Variants in MUSK observed in about 807,000 individuals in gnomAD.
The protein encoded by MUSK is muscle associated receptor tyrosine kinase.
MUSK carries 55 observed loss-of-function variants against 88.7 expected under a neutral mutation model. That is an observed-to-expected ratio of 0.62 (90% confidence interval 0.50 to 0.78). The LOEUF (loss-of-function observed/expected upper bound fraction) is 0.78. MUSK is among the 30% of genes least tolerant of loss of function. The probability of loss-of-function intolerance (pLI) is 0.00; values close to 1 mark genes in which losing one functional copy is unlikely to be tolerated. For missense variants in MUSK, 1,015 were observed against 1,074.3 expected, an observed-to-expected ratio of 0.94 and a Z score of 0.77; for synonymous variants, 387 against 391.9, an observed-to-expected ratio of 0.99 and a Z score of 0.15.
chr9:110,707,996 C>A (rs187752900), intron 5 of MUSK, among the ~76,000 whole-genome samples: 67 of 152,162 alleles, frequency 4.4e-4, no homozygotes, highest in Non-Finnish European at 7.9e-4. Flanking sequence ...TTAAGGCCAA[C>A]AAATCTATTC....
intron 7 of MUSK, among the ~76,000 whole-genome samples, chr9:110,757,037 A>C (rs2077334513): frequency 6.6e-6 from 1 of 152,148 alleles, no homozygotes; most frequent in African/African-American, 2.4e-5. Context: ...TGATGGGATT[A>C]ATTCAGTACA....
At chr9:110,748,987 T>C (rs964844025) in intron 7 of MUSK, among the ~76,000 whole-genome samples, 3 of 152,104 alleles carry the variant, frequency 2.0e-5, no homozygotes, top group Non-Finnish European at 4.4e-5. Flanking sequence ...TCCCAGAAAA[T>C]GAAAAGTCTT....
chr9:110,783,535 A>T (rs1428976280), intron 11 of MUSK, among the ~76,000 whole-genome samples: 1 of 151,920 alleles, frequency 6.6e-6, no homozygotes, highest in African/African-American at 2.4e-5. Flanking sequence ...ATCTGTTATA[A>T]CTTTTTTATC....
intron 14 of MUSK, among the ~76,000 whole-genome samples, chr9:110,797,699 AC>A (rs1030255506): frequency 8.5e-5 from 13 of 152,246 alleles, no homozygotes; most frequent in African/African-American, 3.1e-4. Context: ...CAACTCCTAA[AC>A]ATTCATTTAT....
At chr9:110,748,019 T>C in intron 7 of MUSK, 1 of 690,986 alleles carries the variant, frequency 1.4e-6, no homozygotes, top group Non-Finnish European at 2.6e-6. Flanking sequence ...CCTACCCAAG[T>C]GGTAGGTAAC....
At chr9:110,781,378 G>A (rs933072226) in intron 11 of MUSK, among the ~76,000 whole-genome samples, 5 of 152,122 alleles carry the variant, frequency 3.3e-5, no homozygotes, top group Non-Finnish European at 5.9e-5. Flanking sequence ...CCGGGTTCAC[G>A]CCATCCTCTT....
chr9:110,788,434 C>T (rs1378180796), intron 14 of MUSK, among the ~76,000 whole-genome samples: 1 of 151,810 alleles, frequency 6.6e-6, no homozygotes, highest in African/African-American at 2.4e-5. Context: ...GAGTTTGACA[C>T]CAGCCTGGCG....
At chr9:110,682,906 C>A in intron 2 of MUSK, 106 bp downstream of exon 2, 1 of 765,550 alleles carries the variant, frequency 1.3e-6, no homozygotes, top group Non-Finnish European at 2.0e-6. Context: ...TACAGGCATG[C>A]AATGTAAAAT....
chr9:110,688,658 CCATGTGTT>C (rs577871341), intron 3 of MUSK, among the ~76,000 whole-genome samples: 1 of 151,900 alleles, frequency 6.6e-6, no homozygotes, highest in Non-Finnish European at 1.5e-5. Context: ...CTGTTTCCCC[CCATGTGTT>C]CATGTGTTCC....
chr9:110,780,676 C>G (rs1022159862), intron 11 of MUSK, among the ~76,000 whole-genome samples: 2 of 152,184 alleles, frequency 1.3e-5, no homozygotes, highest in South Asian at 2.1e-4. Flanking sequence ...TGTGATTTCA[C>G]TCTTTTCTAG....
At chr9:110,701,708 T>G (rs375543708) in intron 5 of MUSK, among the ~76,000 whole-genome samples, 1 of 114 alleles carries the variant, frequency 8.8e-3, no homozygotes, top group Non-Finnish European at 0.013. Flanking sequence ...TATTTTATTT[T>G]ATTTTATTTT....
chr9:110,799,400 T>A (rs2078058503), intron 14 of MUSK, among the ~76,000 whole-genome samples: 1 of 152,286 alleles, frequency 6.6e-6, no homozygotes, highest in South Asian at 2.1e-4. Flanking sequence ...ATCTAAGACT[T>A]TATTTATATT....
intron 14 of MUSK, among the ~76,000 whole-genome samples, chr9:110,790,955 A>G (rs1442781971): frequency 1.3e-5 from 2 of 152,180 alleles, no homozygotes; most frequent in Non-Finnish European, 2.9e-5. Flanking sequence ...TTGAAGTCAA[A>G]TTGAGGCAAA....
At chr9:110,720,608 C>T (rs1263801862) in intron 5 of MUSK, among the ~76,000 whole-genome samples, 2 of 151,820 alleles carry the variant, frequency 1.3e-5, no homozygotes, top group African/African-American at 4.8e-5. Context: ...TTTAAAATTG[C>T]CAAGAAAAAG....
intron 6 of MUSK, among the ~76,000 whole-genome samples, chr9:110,742,609 G>C (rs1383581510): frequency 6.6e-6 from 1 of 152,190 alleles, no homozygotes; most frequent in South Asian, 2.1e-4. Flanking sequence ...GAAGATAAAT[G>C]ATTATTCTCT....
At chr9:110,733,330 CA>C (rs2076987569) in intron 5 of MUSK, among the ~76,000 whole-genome samples, 1 of 152,060 alleles carries the variant, frequency 6.6e-6, no homozygotes, top group Non-Finnish European at 1.5e-5. Flanking sequence ...ATTTGGTTTT[CA>C]CTGCTATAAG....
chr9:110,782,693 T>G (rs377165704), intron 11 of MUSK, among the ~76,000 whole-genome samples: 2 of 152,264 alleles, frequency 1.3e-5, no homozygotes, highest in African/African-American at 4.8e-5. Flanking sequence ...CTCGTCAATT[T>G]AAGCCACCCC....
At position 110,722,535 on chromosome 9, in the gene MUSK, GA is replaced by G. The variant is rs929399024; in HGVS notation, c.629-11705del. 2.6e-3 allele frequency among the ~76,000 whole-genome samples: 378 copies of G among 142,694 alleles called. 2 individuals are homozygous for G. The highest frequency in any genetic ancestry group is 7.7e-3 in the African/African-American group (302 of 39,226). 93.6% of individuals were successfully genotyped at this position (142,694 alleles called of 152,430 possible). A position where few individuals can be genotyped will look rare whatever the true frequency, so the allele number is the denominator to read the frequency against. On this transcript the variant is annotated intron_variant, in intron 5 of 14. Coordinates refer to ENST00000374448, the MANE Select transcript of MUSK (RefSeq NM_005592.4). ...ACAGAGCGAGACACCATCATGGGAA[GA>G]AAAAAAAAAACATGGGACTTAATTA...
chr9:110,761,856 G>A, intron 7 of MUSK: 1 of 971,068 alleles, frequency 1.0e-6, no homozygotes. Context: ...TTACAGGCGT[G>A]AGCCACCGCG....
Sources: allele counts gnomAD v4.1 joint callset (sites outside exome capture counted in the v4.1 genomes callset), GRCh38; gene constraint gnomAD v4.1.1; transcripts MANE v1.5; gene names NCBI Gene and HGNC (gene_info 2026-07-23, HGNC 2026-07-21).